Variants in WDFY3 observed in about 807,000 individuals in gnomAD.
WDFY3 encodes WD repeat and FYVE domain-containing protein 3.
A neutral mutation model predicts 409.6 loss-of-function variants in WDFY3; 66 were observed. That is an observed-to-expected ratio of 0.16 (90% CI 0.13 to 0.20). The LOEUF (loss-of-function observed/expected upper bound fraction) is 0.20, where lower values mean the gene tolerates loss of function less well. WDFY3 is among the 10% of genes least tolerant of loss of function. The probability of loss-of-function intolerance (pLI) is 1.00; values close to 1 mark genes in which losing one functional copy is unlikely to be tolerated. For synonymous variants in WDFY3, 1,521 were observed against 1,537.1 expected (o/e 0.99, Z 0.25); for missense variants, 3,031 against 4,298.1 (o/e 0.71, Z 8.24).
intron 32 of WDFY3, among the ~76,000 whole-genome samples, chr4:84,765,409 C>T (rs1743452933): frequency 6.6e-6 from 1 of 152,134 alleles, no homozygotes; most frequent in South Asian, 2.1e-4. Context: ...ATAGCATTTG[C>T]ACCTCACAGA....
At chr4:84,931,162 T>C (rs1475613594) in intron 2 of WDFY3, among the ~76,000 whole-genome samples, 1 of 152,210 alleles carries the variant, frequency 6.6e-6, no homozygotes, top group Non-Finnish European at 1.5e-5. Flanking sequence ...TATCCCTCTC[T>C]GATAAGGGGA....
intron 13 of WDFY3, among the ~76,000 whole-genome samples, chr4:84,813,731 A>T (rs1408970226): frequency 3.3e-5 from 5 of 152,282 alleles, no homozygotes; most frequent in East Asian, 1.9e-4. Flanking sequence ...ACCAATATTT[A>T]AAAAATCCAA....
At chr4:84,912,100 A>G (rs982310931) in intron 2 of WDFY3, among the ~76,000 whole-genome samples, 8 of 152,212 alleles carry the variant, frequency 5.3e-5, no homozygotes, top group African/African-American at 9.6e-5. Context: ...AGGTTCATGC[A>G]TATATTTTTC....
At chr4:84,962,663 T>C (rs1775056560) in intron 1 of WDFY3, among the ~76,000 whole-genome samples, 1 of 151,674 alleles carries the variant, frequency 6.6e-6, no homozygotes, top group African/African-American at 2.4e-5. Context: ...AAAATTAAAG[T>C]AGGAGCCATT....
intron 37 of WDFY3, among the ~76,000 whole-genome samples, chr4:84,743,167 T>G (rs1260011309): frequency 6.6e-6 from 1 of 152,206 alleles, no homozygotes; most frequent in African/African-American, 2.4e-5. Flanking sequence ...CCATTATGTT[T>G]CCTTCTTTTA....
intron 10 of WDFY3, among the ~76,000 whole-genome samples, chr4:84,825,956 A>G: frequency 6.6e-6 from 1 of 152,328 alleles, no homozygotes; most frequent in East Asian, 1.9e-4. Flanking sequence ...TTGCATAAGT[A>G]TGTAATTAAA....
intron 1 of WDFY3, among the ~76,000 whole-genome samples, chr4:84,962,953 T>G (rs1775100103): frequency 6.6e-6 from 1 of 151,766 alleles, no homozygotes. Context: ...GGATTACAGG[T>G]GTGAGCCACC....
intron 45 of WDFY3, 43 bp downstream of exon 45, chr4:84,726,818 A>G: frequency 1.3e-6 from 2 of 1,569,586 alleles, no homozygotes; most frequent in Non-Finnish European, 1.7e-6. Context: ...AAAAAACAAA[A>G]CTACAAGTAG....
At chr4:84,952,394 CTA>C (rs912604194) in intron 1 of WDFY3, among the ~76,000 whole-genome samples, 7 of 152,190 alleles carry the variant, frequency 4.6e-5, no homozygotes, top group Non-Finnish European at 7.3e-5. Context: ...TTTCTGCTCT[CTA>C]TAGGTCTGAC....
rs938487023 is a variant in WDFY3, at chr4:84,835,267, G to A, written c.576+1662C>T. 2.6e-5 allele frequency among the ~76,000 whole-genome samples: 4 copies of A among 152,136 alleles called. No individual in the cohort carries two copies. The South Asian group carries it at 6.2e-4, about 24-fold the overall frequency. On this transcript the variant is annotated intron_variant, in intron 7 of 67. Transcript: ENST00000295888. ...TACCTAAGGCATTAGTTCTTTAAAAGGGGTTTATTGAAATGAGGCTGCTAT... is the reference window on the plus strand; with the variant it reads ...TACCTAAGGCATTAGTTCTTTAAAAAGGGTTTATTGAAATGAGGCTGCTAT...
chr4:84,828,992 G>A lies in WDFY3; in HGVS notation c.956+12C>T. ...GACATTTAAAATACATTCTTAAATT[G>A]AGCAGTCTTACCTAAGCAAGAGATC... On this transcript the variant is annotated intron_variant, in intron 9 of 67. Transcript: ENST00000295888. 6.4e-7 allele frequency: 1 copy of A among 1,571,522 alleles called. No homozygotes were observed. The highest frequency in any genetic ancestry group is 1.4e-5 in the African/African-American group (1 of 73,074).
intron 30 of WDFY3, among the ~76,000 whole-genome samples, chr4:84,770,187 C>T (rs1744420090): frequency 6.6e-6 from 1 of 151,918 alleles, no homozygotes; most frequent in Non-Finnish European, 1.5e-5. Context: ...CACCACCACG[C>T]CTGGCTAATT....
At chr4:84,965,775 C>G (rs1014517808) in intron 1 of WDFY3, 1 of 143,424 alleles carries the variant, frequency 7.0e-6, no homozygotes, top group Admixed American at 7.3e-5. Flanking sequence ...GCTGAGACCC[C>G]GCAGGATGCA....
intron 6 of WDFY3, among the ~76,000 whole-genome samples, chr4:84,840,887 G>A (rs1476761430): frequency 6.6e-6 from 1 of 151,870 alleles, no homozygotes; most frequent in South Asian, 2.1e-4. Context: ...AGCCACAAAT[G>A]GTTATGTCCT....
intron 1 of WDFY3, among the ~76,000 whole-genome samples, chr4:84,957,332 A>G (rs1004194262): frequency 1.3e-5 from 2 of 152,028 alleles, no homozygotes; most frequent in Non-Finnish European, 2.9e-5. Flanking sequence ...AACGCTATGG[A>G]AGATCAATAA....
chr4:84,686,509 A>C, intron 62 of WDFY3, among the ~76,000 whole-genome samples: 1 of 152,092 alleles, frequency 6.6e-6, no homozygotes, highest in East Asian at 1.9e-4. Context: ...TAGTTGACTA[A>C]AAGTGTTAAT....
intron 40 of WDFY3, among the ~76,000 whole-genome samples, chr4:84,737,837 C>A (rs997747918): frequency 6.6e-6 from 1 of 152,138 alleles, no homozygotes. Flanking sequence ...CTCCTCCAGA[C>A]CAGTCGGCCC....
At chr4:84,788,792 T>C (rs1229346078) in intron 22 of WDFY3, among the ~76,000 whole-genome samples, 4 of 152,082 alleles carry the variant, frequency 2.6e-5, no homozygotes, top group Non-Finnish European at 5.9e-5. Context: ...GGCCGAGGCA[T>C]GAGGATCACC....
chr4:84,682,277 T>C, intron 64 of WDFY3, 97 bp downstream of exon 64: 2 of 1,155,934 alleles, frequency 1.7e-6, no homozygotes, highest in South Asian at 1.5e-5. Flanking sequence ...GTGCCCAACC[T>C]TGGGCTCCTC....
Sources: allele counts gnomAD v4.1 joint callset (sites outside exome capture counted in the v4.1 genomes callset), GRCh38; gene constraint gnomAD v4.1.1; transcripts MANE v1.5; gene names NCBI Gene and HGNC (gene_info 2026-07-23, HGNC 2026-07-21).